CFAP61: variants seen among roughly 807,000 people sequenced by gnomAD.
CFAP61 encodes cilia- and flagella-associated protein 61.
In CFAP61, 107 loss-of-function variants were observed where a neutral mutation model predicts 135.6. That is an observed-to-expected ratio of 0.79 (90% CI 0.67 to 0.93). The LOEUF (loss-of-function observed/expected upper bound fraction) is 0.93. Among genes scored for constraint, CFAP61 ranks in the 40% least tolerant of loss-of-function variants. The pLI is 0.00. For synonymous variants in CFAP61, 575 were observed against 578.5 expected, an observed-to-expected ratio of 0.99 and a Z score of 0.09; for missense variants, 1,507 against 1,556.2, an observed-to-expected ratio of 0.97 and a Z score of 0.53.
intron 22 of CFAP61, among the ~76,000 whole-genome samples, chr20:20,279,973 TG>T (rs1292676371): frequency 6.6e-6 from 1 of 152,138 alleles, no homozygotes; most frequent in Non-Finnish European, 1.5e-5. Context: ...AAGCACTTTT[TG>T]GTGGGGATGA....
At chr20:20,134,097 C>T (rs1376565824) in intron 8 of CFAP61, among the ~76,000 whole-genome samples, 1 of 152,162 alleles carries the variant, frequency 6.6e-6, no homozygotes, top group African/African-American at 2.4e-5. Flanking sequence ...AACAACTTTA[C>T]AATAACATCA....
At chr20:20,348,797 T>A (rs1381365251) in intron 26 of CFAP61, among the ~76,000 whole-genome samples, 50 of 127,124 alleles carry the variant, frequency 3.9e-4, no homozygotes, top group East Asian at 6.5e-4. Context: ...GTAAAAACAC[T>A]AAAAAAAAAA....
chr20:20,254,788 A>T (rs1414447917), intron 20 of CFAP61, among the ~76,000 whole-genome samples: 1 of 152,218 alleles, frequency 6.6e-6, no homozygotes. Flanking sequence ...GACAAACCGC[A>T]ACCTCTAATC....
chr20:20,346,610 G>T (rs2058645637), intron 26 of CFAP61, among the ~76,000 whole-genome samples: 1 of 151,934 alleles, frequency 6.6e-6, no homozygotes, highest in Non-Finnish European at 1.5e-5. Flanking sequence ...GTAAAGAGAG[G>T]AACACTGGCA....
At chr20:20,188,674 C>G (rs2055688541) in intron 14 of CFAP61, among the ~76,000 whole-genome samples, 1 of 152,164 alleles carries the variant, frequency 6.6e-6, no homozygotes. Context: ...GACAGTTAAT[C>G]TGACTACACA....
rs2057581724 is a variant in CFAP61, at chr20:20,322,762, G to A, written c.3423-19069G>A. Reference sequence around the variant, plus strand: ...CAGAAGAGATCATTAGAGGGTCCTCGTGTTGCCTAGCAACCTGTGAATGCT... The same window carrying A: ...CAGAAGAGATCATTAGAGGGTCCTCATGTTGCCTAGCAACCTGTGAATGCT... On this transcript the variant is annotated intron_variant, in intron 25 of 26. Coordinates refer to ENST00000245957, the MANE Select transcript of CFAP61 (RefSeq NM_015585.4). 8 of 985,282 alleles carry A rather than the reference G, an allele frequency of 8.1e-6. No homozygotes were observed. In the South Asian group the frequency reaches 1.4e-4, roughly 17 times the overall value. The allele number at this position is 985,282 out of a possible 1,614,324, so 61.0% of individuals were successfully genotyped here.
At chr20:20,336,703 G>A (rs986963975) in intron 25 of CFAP61, among the ~76,000 whole-genome samples, 1 of 152,166 alleles carries the variant, frequency 6.6e-6, no homozygotes, top group African/African-American at 2.4e-5. Context: ...ATTCCCAAGT[G>A]ACTGAAGTTT....
At chr20:20,355,192 G>A (rs2059042210) in intron 26 of CFAP61, among the ~76,000 whole-genome samples, 1 of 145,230 alleles carries the variant, frequency 6.9e-6, no homozygotes, top group East Asian at 2.1e-4. Context: ...TCACACTAAG[G>A]GGAGGTAGTC....
intron 4 of CFAP61, 135 bp downstream of exon 4, chr20:20,074,513 T>C: frequency 1.4e-6 from 1 of 706,116 alleles, no homozygotes; most frequent in Non-Finnish European, 2.5e-6. Context: ...AAATATTTAC[T>C]TTGAATAGCA....
At chr20:20,149,708 C>G (rs1360934327) in intron 9 of CFAP61, among the ~76,000 whole-genome samples, 3 of 152,218 alleles carry the variant, frequency 2.0e-5, no homozygotes, top group Non-Finnish European at 4.4e-5. Context: ...TTCTCCAGCT[C>G]AAGCCCAGGG....
At chr20:20,128,145 C>G (rs1376728449) in intron 8 of CFAP61, among the ~76,000 whole-genome samples, 5 of 151,788 alleles carry the variant, frequency 3.3e-5, no homozygotes, top group African/African-American at 9.7e-5. Flanking sequence ...GGTTCTTCCC[C>G]CTTCTGTGGA....
chr20:20,231,044 G>A (rs2049097625), intron 18 of CFAP61, among the ~76,000 whole-genome samples: 1 of 152,022 alleles, frequency 6.6e-6, no homozygotes, highest in African/African-American at 2.4e-5. Flanking sequence ...AACACATTTG[G>A]TCTCCTCTTC....
chr20:20,120,324 T>C (rs1341311847), intron 8 of CFAP61, among the ~76,000 whole-genome samples: 1 of 152,210 alleles, frequency 6.6e-6, no homozygotes, highest in African/African-American at 2.4e-5. Context: ...TGGATTTTGG[T>C]ATGTTGTATT....
intron 6 of CFAP61, among the ~76,000 whole-genome samples, chr20:20,088,363 T>C (rs1756141385): frequency 6.6e-6 from 1 of 152,152 alleles, no homozygotes; most frequent in Admixed American, 6.5e-5. Context: ...TTTAATTGAC[T>C]CACAGTTCTG....
chr20:20,153,889 C>T (rs929902053), intron 9 of CFAP61, among the ~76,000 whole-genome samples: 4 of 151,784 alleles, frequency 2.6e-5, no homozygotes, highest in African/African-American at 4.8e-5. Flanking sequence ...AAACCAAAAC[C>T]GGGAAAGGAC....
chr20:20,183,957 T>G (rs1261406725), intron 13 of CFAP61, among the ~76,000 whole-genome samples: 1 of 152,214 alleles, frequency 6.6e-6, no homozygotes, highest in East Asian at 1.9e-4. Flanking sequence ...CAGAGATGAA[T>G]GCAAAATGGT....
chr20:20,187,710 A>G (rs1450184844), intron 13 of CFAP61, among the ~76,000 whole-genome samples: 1 of 152,170 alleles, frequency 6.6e-6, no homozygotes, highest in Admixed American at 6.5e-5. Context: ...GGTTAATGGC[A>G]TTATCAGTGA....
chr20:20,295,625 A>C (rs760460141), intron 24 of CFAP61, among the ~76,000 whole-genome samples: 2 of 152,194 alleles, frequency 1.3e-5, no homozygotes, highest in African/African-American at 2.4e-5. Context: ...AGAAATACAC[A>C]TGGCGGTCAC....
chr20:20,270,332 T>C (rs573953947), intron 21 of CFAP61, among the ~76,000 whole-genome samples: 1 of 152,284 alleles, frequency 6.6e-6, no homozygotes, highest in Admixed American at 6.5e-5. Flanking sequence ...AGCGTGACCA[T>C]GAAATGACAG....
Sources: allele counts gnomAD v4.1 joint callset (sites outside exome capture counted in the v4.1 genomes callset), GRCh38; gene constraint gnomAD v4.1.1; transcripts MANE v1.5; gene names NCBI Gene and HGNC (gene_info 2026-07-23, HGNC 2026-07-21).